Variants in ZNF521 observed in about 807,000 individuals in gnomAD.
ZNF521 encodes the protein zinc finger protein 521.
ZNF521 carries 14 observed loss-of-function variants against 105.5 expected under a neutral mutation model. The observed-to-expected ratio is 0.13, with a 90% confidence interval of 0.09 to 0.21. The LOEUF (loss-of-function observed/expected upper bound fraction) is 0.21, where lower values mean the gene tolerates loss of function less well. ZNF521 is among the 10% of genes least tolerant of loss of function. The pLI is 1.00. For synonymous variants in ZNF521, 635 were observed against 606.0 expected (o/e 1.05, Z -0.70); for missense variants, 1,233 against 1,629.7 (o/e 0.76, Z 4.19).
At chr18:25,282,543 A>G (rs1372463564) in intron 3 of ZNF521, among the ~76,000 whole-genome samples, 1 of 152,032 alleles carries the variant, frequency 6.6e-6, no homozygotes, top group African/African-American at 2.4e-5. Context: ...ATAAAGTGTG[A>G]GCTTGCACAT....
At chr18:25,283,900 C>T (rs45546531) in intron 3 of ZNF521, among the ~76,000 whole-genome samples, 9,048 of 150,358 alleles carry the variant, frequency 0.06, 404 homozygotes, top group Non-Finnish European at 0.085. Flanking sequence ...TGTAGCCACA[C>T]CTAAAAAACA....
Position 25,156,310 on chromosome 18 carries a change from C to A in ZNF521, c.3658+38850G>T, listed in dbSNP as rs555786137. 5.9e-5 allele frequency among the ~76,000 whole-genome samples: 9 copies of A among 152,306 alleles called. No homozygotes were observed. In the South Asian group the frequency reaches 1.9e-3, roughly 32 times the overall value. ...GCAGAGCCAAATTGAGAGTCCAGTT[C>A]CCATCAGCATCCATTTCTATGAACT... On this transcript the variant is annotated intron_variant, in intron 5 of 7. Coordinates refer to ENST00000361524, the MANE Select transcript of ZNF521 (RefSeq NM_015461.3).
chr18:25,155,891 T>C (rs1217527405), intron 5 of ZNF521, among the ~76,000 whole-genome samples: 1 of 152,044 alleles, frequency 6.6e-6, no homozygotes, highest in African/African-American at 2.4e-5. Context: ...AAAAGAAAAA[T>C]ATTGAATATT....
At chr18:25,075,438 C>G (rs1287317841) in intron 7 of ZNF521, among the ~76,000 whole-genome samples, 1 of 152,184 alleles carries the variant, frequency 6.6e-6, no homozygotes. Flanking sequence ...ACTCCTGCCA[C>G]CGGGCTCTTT....
At chr18:25,268,582 T>C (rs1443828069) in intron 3 of ZNF521, among the ~76,000 whole-genome samples, 11 of 152,232 alleles carry the variant, frequency 7.2e-5, no homozygotes, top group Admixed American at 7.2e-4. Flanking sequence ...AGCGGATCTC[T>C]TGGTAGAAAC....
intron 4 of ZNF521, among the ~76,000 whole-genome samples, chr18:25,219,709 C>T (rs1905567502): frequency 6.6e-6 from 1 of 151,960 alleles, no homozygotes; most frequent in African/African-American, 2.4e-5. Context: ...CTCAGCTACC[C>T]AGGAGGCTGA....
Position 25,227,761 on chromosome 18 carries a change from A to G in ZNF521, c.221-64T>C. 2 of 1,414,718 alleles carry G rather than the reference A, an allele frequency of 1.4e-6. No individual in the cohort carries two copies. The highest frequency in any genetic ancestry group is 1.3e-5 in the South Asian group (1 of 74,078). The allele number at this position is 1,414,718 out of a possible 1,614,324, so 87.6% of individuals were successfully genotyped here. A position where few individuals can be genotyped will look rare whatever the true frequency, so the allele number is the denominator to read the frequency against. On this transcript the variant is annotated intron_variant, in intron 3 of 7. Transcript: ENST00000361524. The surrounding 1 kb of genome is among the most constrained non-coding windows in gnomAD (Gnocchi z 5.7). ...TGAGATTCAAGAGTGAGTTTACCGT[A>G]GCATTTCAACCAGCACGCAGAGTTG...
At position 25,227,255 on chromosome 18, in the gene ZNF521, C is replaced by T; in HGVS notation, c.663G>A (p.Met221Ile). 6.2e-7 allele frequency: 1 copy of T among 1,614,150 alleles called. No individual in the cohort carries two copies. The highest frequency in any genetic ancestry group is 8.5e-7 in the Non-Finnish European group (1 of 1,180,018). ...FLSSSSLHGH[M>I]QVHERNKDGS... The stretch of plus-strand genomic sequence containing the variant: ...CGTCCTTGTTCCTCTCATGAACCTG[C>T]ATGTGTCCGTGTAAGGAACTAGAGG... Residue 221 changes from methionine to isoleucine, a missense_variant, in exon 4 of 8, where the codon ATG (methionine) becomes ATA (isoleucine). Met to Ile is a conservative substitution (Grantham distance 10). Around this residue, in one of 6 missense-constraint regions of ZNF521, gnomAD observed 380 missense variants for 478.0 expected, o/e 0.80. Coordinates refer to ENST00000361524, the MANE Select transcript of ZNF521 (RefSeq NM_015461.3). The surrounding 1 kb of genome is among the most constrained non-coding windows in gnomAD (Gnocchi z 5.7).
chr18:25,108,550 C>T (rs920179431), intron 5 of ZNF521, among the ~76,000 whole-genome samples: 1 of 151,900 alleles, frequency 6.6e-6, no homozygotes, highest in African/African-American at 2.4e-5. Flanking sequence ...ACCTGTTTCC[C>T]ATAGCTGCAA....
chr18:25,249,420 G>A (rs1466688657), intron 3 of ZNF521, among the ~76,000 whole-genome samples: 1 of 150,952 alleles, frequency 6.6e-6, no homozygotes, highest in Non-Finnish European at 1.5e-5. Context: ...GCCTCCCTAA[G>A]TGCTGGGATT....
intron 7 of ZNF521, among the ~76,000 whole-genome samples, chr18:25,083,931 A>ATTTTTTTTTTTTTT (rs56364504): frequency 8.6e-5 from 5 of 57,890 alleles, no homozygotes; most frequent in Admixed American, 2.3e-4. Flanking sequence ...AACCTGGGTA[A>ATTTTTTTTTTTTTT]TTTTTTTTTT....
At chr18:25,202,078 A>C (rs2144656500) in intron 4 of ZNF521, 1 of 152,334 alleles carries the variant, frequency 6.6e-6, no homozygotes, top group South Asian at 2.1e-4. Flanking sequence ...CTGTTGTCAA[A>C]GGTGAGTAGT....
chr18:25,321,791 T>C (rs116426179), intron 3 of ZNF521, among the ~76,000 whole-genome samples: 29 of 152,322 alleles, frequency 1.9e-4, no homozygotes, highest in African/African-American at 6.3e-4. Context: ...TCATTAGCTA[T>C]TGACATTTAG....
At chr18:25,113,720 C>T (rs532811936) in intron 5 of ZNF521, among the ~76,000 whole-genome samples, 1 of 135,258 alleles carries the variant, frequency 7.4e-6, no homozygotes, top group East Asian at 2.3e-4. Flanking sequence ...ACAGCAAATG[C>T]CTGAGACAGA....
intron 5 of ZNF521, among the ~76,000 whole-genome samples, chr18:25,153,892 C>T (rs1391352705): frequency 1.3e-5 from 2 of 152,278 alleles, no homozygotes; most frequent in Non-Finnish European, 1.5e-5. Flanking sequence ...ACAAAACAAG[C>T]ACAGATACTT....
chr18:25,229,092 A>T (rs1032409824), intron 3 of ZNF521, among the ~76,000 whole-genome samples: 3 of 152,234 alleles, frequency 2.0e-5, no homozygotes, highest in African/African-American at 4.8e-5. Context: ...AAATTCTTCA[A>T]AGCTGAAGTT....
chr18:25,186,301 A>C (rs1309488871), intron 5 of ZNF521, among the ~76,000 whole-genome samples: 1 of 152,216 alleles, frequency 6.6e-6, no homozygotes, highest in Non-Finnish European at 1.5e-5. Context: ...AGATAATTGG[A>C]TATTAACCAG....
At chr18:25,239,496 C>T (rs755920622) in intron 3 of ZNF521, among the ~76,000 whole-genome samples, 1 of 152,164 alleles carries the variant, frequency 6.6e-6, no homozygotes, top group Non-Finnish European at 1.5e-5. Flanking sequence ...ATCCTGCCAA[C>T]CATTTCAACA....
intron 7 of ZNF521, among the ~76,000 whole-genome samples, chr18:25,077,293 G>T (rs545561892): frequency 7.2e-5 from 11 of 152,224 alleles, no homozygotes; most frequent in Admixed American, 6.5e-4. Flanking sequence ...CTGCCTTCCC[G>T]TTCCCCTTAT....
Sources: allele counts gnomAD v4.1 joint callset (sites outside exome capture counted in the v4.1 genomes callset), GRCh38; gene constraint gnomAD v4.1.1; regional missense constraint gnomAD v4.1.1; non-coding constraint Gnocchi (gnomAD v3.1); transcripts MANE v1.5; gene names NCBI Gene and HGNC (gene_info 2026-07-23, HGNC 2026-07-21).